SDK1: variants seen among roughly 807,000 people sequenced by gnomAD.
The protein encoded by SDK1 is sidekick cell adhesion molecule 1, also known as protein sidekick-1.
In SDK1, 157 loss-of-function variants were observed where a neutral mutation model predicts 245.5. That is an observed-to-expected ratio of 0.64 (90% CI 0.56 to 0.73). The LOEUF (loss-of-function observed/expected upper bound fraction) is 0.73, where lower values mean the gene tolerates loss of function less well. SDK1 is among the 30% of genes least tolerant of loss of function. The pLI is 0.00. For missense variants in SDK1, 3,583 were observed against 3,002.3 expected, an observed-to-expected ratio of 1.19 and a Z score of -4.52; for synonymous variants, 1,647 against 1,278.5, an observed-to-expected ratio of 1.29 and a Z score of -6.15.
Position 3,420,731 on chromosome 7 carries a change from C to T in SDK1, c.298+118847C>T, listed in dbSNP as rs1038166163. Reference sequence around the variant, plus strand: ...ATGAGAATCTTTATGGAAGAATTTGCGACAGCTCAAGAACATTTTTTAAAA... The same window carrying T: ...ATGAGAATCTTTATGGAAGAATTTGTGACAGCTCAAGAACATTTTTTAAAA... On this transcript the variant is annotated intron_variant, in intron 1 of 44. Transcript: ENST00000404826. 9.2e-5 allele frequency among the ~76,000 whole-genome samples: 14 copies of T among 152,108 alleles called. 1 individual carries two copies. The highest frequency in any genetic ancestry group is 2.9e-4 in the African/African-American group (12 of 41,398).
chr7:3,959,714 C>T (rs967181873), intron 8 of SDK1, among the ~76,000 whole-genome samples: 6 of 152,166 alleles, frequency 3.9e-5, no homozygotes, highest in Admixed American at 2.0e-4. Flanking sequence ...CAGTGGCCTC[C>T]GGTGCCATCC....
chr7:3,805,387 C>A (rs1779216247), intron 4 of SDK1, among the ~76,000 whole-genome samples: 1 of 152,150 alleles, frequency 6.6e-6, no homozygotes, highest in Non-Finnish European at 1.5e-5. Context: ...CTCAAATTGC[C>A]CCTTTCTTGG....
At chr7:4,228,847 C>G (rs1353601854) in intron 40 of SDK1, among the ~76,000 whole-genome samples, 1 of 152,176 alleles carries the variant, frequency 6.6e-6, no homozygotes, top group African/African-American at 2.4e-5. Flanking sequence ...CCTTGCTTTT[C>G]CTACAACGGC....
rs74671040 is a variant in SDK1 at position 3,583,152 on chromosome 7, G to A, written c.299-35928G>A. Among the ~76,000 whole-genome samples, 778 of 152,310 alleles carry A rather than the reference G, an allele frequency of 5.1e-3. 6 individuals carry two copies. Among genetic ancestry groups the A allele is most frequent in the South Asian group, 0.018 (85 of 4,826 alleles). On this transcript the variant is annotated intron_variant, in intron 1 of 44. Transcript: ENST00000404826. ...CTGCAGGCCTCCAGCTGGTTCCTGC[G>A]TGTAGGCCATGCAGCAGCTCGACCT...
intron 4 of SDK1, among the ~76,000 whole-genome samples, chr7:3,673,061 C>CTT: frequency 6.6e-6 from 1 of 151,924 alleles, no homozygotes; most frequent in South Asian, 2.1e-4. Context: ...TAAATAAATA[C>CTT]TTAAAGTATG....
intron 4 of SDK1, among the ~76,000 whole-genome samples, chr7:3,672,795 A>ATATATATATATATATATAT (rs55676850): frequency 1.6e-4 from 11 of 67,192 alleles, no homozygotes; most frequent in Non-Finnish European, 2.7e-4. Flanking sequence ...ATATATATAT[A>ATATATATATATATATATAT]AAAAATACAG....
rs140154519 is a variant in SDK1, at chr7:3,997,784, A to C, written c.2131+10462A>C. Among the ~76,000 whole-genome samples the C allele has an allele frequency of 8.5e-5, 13 of 152,160 alleles. No homozygotes were observed. In the East Asian group the frequency reaches 1.9e-3, roughly 23 times the overall value. On this transcript the variant is annotated intron_variant, in intron 14 of 44. Transcript: ENST00000404826. ...CCCTGCCCCCAGCCTCCAGGCCCTC[A>C]CTGGCCTGAAGGTGGGGCCTCACCG...
chr7:3,366,045 A>AG (rs1423392835), intron 1 of SDK1, among the ~76,000 whole-genome samples: 1 of 151,934 alleles, frequency 6.6e-6, no homozygotes, highest in Non-Finnish European at 1.5e-5. Context: ...GTCTCAAAAA[A>AG]AAAAAAAAGT....
At chr7:3,526,037 C>A (rs569669685) in intron 1 of SDK1, among the ~76,000 whole-genome samples, 1 of 152,176 alleles carries the variant, frequency 6.6e-6, no homozygotes, top group East Asian at 1.9e-4. Flanking sequence ...GAGTTTGAGA[C>A]CAGCCTAACC....
At chr7:3,343,892 C>T (rs949497756) in intron 1 of SDK1, among the ~76,000 whole-genome samples, 1 of 151,752 alleles carries the variant, frequency 6.6e-6, no homozygotes, top group Admixed American at 6.6e-5. Flanking sequence ...GATATCAGAT[C>T]AGTTGAGACT....
At chr7:4,241,996 C>T in intron 43 of SDK1, 83 bp downstream of exon 43, 1 of 1,512,936 alleles carries the variant, frequency 6.6e-7, no homozygotes. Flanking sequence ...ACTGGCACCT[C>T]CTGCATCCCG....
At chr7:4,006,272 C>A (rs1476374677) in intron 14 of SDK1, among the ~76,000 whole-genome samples, 1 of 152,236 alleles carries the variant, frequency 6.6e-6, no homozygotes, top group East Asian at 1.9e-4. Flanking sequence ...ACTAAGAAAA[C>A]GAAAGTGTAG....
intron 1 of SDK1, among the ~76,000 whole-genome samples, chr7:3,507,655 C>T (rs1159512119): frequency 6.6e-6 from 1 of 152,164 alleles, no homozygotes; most frequent in Non-Finnish European, 1.5e-5. Context: ...ACAACAAAGC[C>T]TGACACATTC....
At chr7:4,138,290 G>A (rs1240637111) in intron 28 of SDK1, among the ~76,000 whole-genome samples, 2 of 152,124 alleles carry the variant, frequency 1.3e-5, no homozygotes, top group Non-Finnish European at 2.9e-5. Flanking sequence ...TTCCTACTTG[G>A]GTCCAGCGGC....
intron 1 of SDK1, among the ~76,000 whole-genome samples, chr7:3,364,890 A>G (rs930020324): frequency 6.6e-6 from 1 of 152,210 alleles, no homozygotes; most frequent in Non-Finnish European, 1.5e-5. Context: ...GAGTCTTCCA[A>G]TCTATGAACA....
intron 32 of SDK1, among the ~76,000 whole-genome samples, chr7:4,168,938 G>C (rs1364741758): frequency 1.3e-5 from 2 of 152,164 alleles, no homozygotes; most frequent in Non-Finnish European, 2.9e-5. Flanking sequence ...TGAACAGCAA[G>C]GACAGGACTC....
At chr7:3,599,643 G>C (rs1353982797) in intron 1 of SDK1, among the ~76,000 whole-genome samples, 2 of 152,174 alleles carry the variant, frequency 1.3e-5, no homozygotes, top group African/African-American at 4.8e-5. Context: ...TAGAAGGTGT[G>C]AAGATTAGGT....
chr7:3,793,275 C>T (rs906010750), intron 4 of SDK1, among the ~76,000 whole-genome samples: 1 of 152,278 alleles, frequency 6.6e-6, no homozygotes, highest in Admixed American at 6.5e-5. Context: ...GATTCATTTA[C>T]TCAGCTTTAA....
chr7:4,015,926 A>T (rs1005062397), intron 16 of SDK1, among the ~76,000 whole-genome samples: 1 of 152,182 alleles, frequency 6.6e-6, no homozygotes, highest in Non-Finnish European at 1.5e-5. Flanking sequence ...GAAACTCCTG[A>T]TTTTTGTGAA....
Sources: gnomAD v4.1 joint callset for allele counts (sites outside exome capture counted in the v4.1 genomes callset) on GRCh38, gnomAD v4.1.1 for gene constraint, MANE v1.5 for transcripts, NCBI Gene and HGNC (gene_info 2026-07-23, HGNC 2026-07-21) for gene names.